ZCCHC14: variants seen among roughly 807,000 people sequenced by gnomAD.
ZCCHC14 encodes the protein zinc finger CCHC-type containing 14.
In ZCCHC14, 16 loss-of-function variants were observed where a neutral mutation model predicts 85.0. That is an observed-to-expected ratio of 0.19 (90% CI 0.13 to 0.29). ZCCHC14 has a LOEUF of 0.29. Among genes scored for constraint, ZCCHC14 ranks in the 10% least tolerant of loss-of-function variants. The pLI, the probability that ZCCHC14 is intolerant of heterozygous loss-of-function variation, is 1.00. For missense variants in ZCCHC14, 1,303 were observed against 1,443.5 expected (o/e 0.90, Z 1.58); for synonymous variants, 775 against 630.7 (o/e 1.23, Z -3.43).
chr16:87,416,676 A>G (rs1373059912), intron 8 of ZCCHC14, among the ~76,000 whole-genome samples: 1 of 152,128 alleles, frequency 6.6e-6, no homozygotes, highest in Non-Finnish European at 1.5e-5. Flanking sequence ...GAATCGCTTG[A>G]ACCCGGGAGG....
Position 87,410,158 on chromosome 16 carries a change from G to C in ZCCHC14, c.*122C>G, listed in dbSNP as rs1456578442. ...ACGCTAGATTTTCTATCCAGTCTAG[G>C]AAAAGTAAAGCACCTTTGGATTAAA... On this transcript the variant is annotated 3_prime_UTR_variant, in exon 13 of 13. Coordinates refer to ENST00000671377, the MANE Select transcript of ZCCHC14 (RefSeq NM_015144.3). The C allele has an allele frequency of 3.6e-6, 2 of 561,456 alleles. No homozygotes were observed. The highest frequency in any genetic ancestry group is 2.6e-5 in the South Asian group (1 of 38,886). 34.8% of individuals were successfully genotyped at this position (561,456 alleles called of 1,614,324 possible).
intron 1 of ZCCHC14, among the ~76,000 whole-genome samples, chr16:87,484,189 C>T (rs990292269): frequency 7.2e-5 from 11 of 152,262 alleles, no homozygotes; most frequent in Admixed American, 2.0e-4. Flanking sequence ...GTTTTTTACA[C>T]GTGAAATAAA....
chr16:87,437,606 G>A (rs1006056798), intron 2 of ZCCHC14, among the ~76,000 whole-genome samples: 1 of 152,194 alleles, frequency 6.6e-6, no homozygotes, highest in Non-Finnish European at 1.5e-5. Context: ...AAAGGGACCC[G>A]AGGCTGGGCC....
At chr16:87,430,551 T>G (rs2150736174) in intron 3 of ZCCHC14, among the ~76,000 whole-genome samples, 1 of 151,650 alleles carries the variant, frequency 6.6e-6, no homozygotes, top group African/African-American at 2.4e-5. Flanking sequence ...AGATGCAGTC[T>G]CGCTCTGTTG....
intron 8 of ZCCHC14, among the ~76,000 whole-genome samples, chr16:87,416,727 G>A (rs567045387): frequency 6.6e-6 from 1 of 152,226 alleles, no homozygotes; most frequent in African/African-American, 2.4e-5. Flanking sequence ...TTGCACTCCA[G>A]CCCAGGTGGC....
At chr16:87,458,063 A>T (rs1354070898) in intron 2 of ZCCHC14, among the ~76,000 whole-genome samples, 1 of 151,496 alleles carries the variant, frequency 6.6e-6, no homozygotes, top group Non-Finnish European at 1.5e-5. Context: ...CATGCAGACG[A>T]GACAATGACA....
At chr16:87,416,117 G>A (rs923158547) in intron 8 of ZCCHC14, among the ~76,000 whole-genome samples, 8 of 151,946 alleles carry the variant, frequency 5.3e-5, no homozygotes, top group South Asian at 2.1e-4. Flanking sequence ...GTAGAGACGG[G>A]GTTTCACCAT....
At chr16:87,421,052 T>A (rs1347190604) in intron 4 of ZCCHC14, among the ~76,000 whole-genome samples, 1 of 152,220 alleles carries the variant, frequency 6.6e-6, no homozygotes, top group East Asian at 1.9e-4. Flanking sequence ...AAGGCCCTGG[T>A]GGCTGCCACA....
intron 2 of ZCCHC14, among the ~76,000 whole-genome samples, chr16:87,448,352 G>A (rs984677708): frequency 1.3e-5 from 2 of 152,092 alleles, no homozygotes; most frequent in South Asian, 2.1e-4. Flanking sequence ...CTTTGAAAAC[G>A]TGTAAGATCA....
At chr16:87,413,232 C>A (rs776276190) in intron 10 of ZCCHC14, 37 bp from the exon 11 acceptor site, 6 of 1,488,694 alleles carry the variant, frequency 4.0e-6, no homozygotes, top group African/African-American at 2.8e-5. Context: ...CATCAACTAG[C>A]GCCCCTGCAG....
intron 1 of ZCCHC14, among the ~76,000 whole-genome samples, chr16:87,460,668 C>A (rs181304310): frequency 6.6e-6 from 1 of 151,842 alleles, no homozygotes; most frequent in East Asian, 1.9e-4. Flanking sequence ...CCAGCCTGGG[C>A]AACAGAGTAA....
intron 4 of ZCCHC14, among the ~76,000 whole-genome samples, chr16:87,422,377 A>T (rs887877253): frequency 2.0e-5 from 3 of 152,146 alleles, no homozygotes; most frequent in Admixed American, 2.0e-4. Flanking sequence ...GCCAGAGTCC[A>T]GGAGAGGGGA....
chr16:87,475,034 C>A (rs1477268525), intron 1 of ZCCHC14, among the ~76,000 whole-genome samples: 1 of 152,134 alleles, frequency 6.6e-6, no homozygotes, highest in East Asian at 1.9e-4. Flanking sequence ...TCACAAAATC[C>A]AAGAAGCAAT....
At chr16:87,414,302 A>G (rs1331368701) in intron 10 of ZCCHC14, 112 bp downstream of exon 10, 1 of 1,495,036 alleles carries the variant, frequency 6.7e-7, no homozygotes, top group East Asian at 2.3e-5. Context: ...GTGTACGAGT[A>G]ACCCATCTGC....
At chr16:87,459,657 C>A (rs1911158083) in intron 2 of ZCCHC14, among the ~76,000 whole-genome samples, 1 of 151,912 alleles carries the variant, frequency 6.6e-6, no homozygotes, top group South Asian at 2.1e-4. Flanking sequence ...TTACAGATGC[C>A]CGCCACCACG....
chr16:87,421,959 A>G (rs1909122494), intron 4 of ZCCHC14, among the ~76,000 whole-genome samples: 1 of 152,200 alleles, frequency 6.6e-6, no homozygotes, highest in South Asian at 2.1e-4. Context: ...GGGGGAAAAA[A>G]CTATTGTCAA....
intron 1 of ZCCHC14, among the ~76,000 whole-genome samples, chr16:87,469,450 A>C (rs1317240266): frequency 6.6e-6 from 1 of 152,168 alleles, no homozygotes; most frequent in Non-Finnish European, 1.5e-5. Context: ...TGCACATTAA[A>C]TCCAAGGAGG....
intron 3 of ZCCHC14, among the ~76,000 whole-genome samples, chr16:87,429,466 T>A (rs373125751): frequency 2.6e-5 from 4 of 151,528 alleles, no homozygotes; most frequent in Admixed American, 1.3e-4. Context: ...CATGTGCCAC[T>A]ACACCTGGCA....
Position 87,418,909 on chromosome 16 carries a change from T to A in ZCCHC14, c.1046-8A>T. On this transcript the variant is annotated splice_polypyrimidine_tract_variant and splice_region_variant and intron_variant, in intron 6 of 12. Coordinates refer to ENST00000671377, the MANE Select transcript of ZCCHC14 (RefSeq NM_015144.3). ...GGGAGGGATTGCCAGGACCTATAAA[T>A]TTAAAAATAAATACCATAAAAATTT... is the stretch of plus-strand genomic sequence containing the variant. 1.2e-6 allele frequency: 2 copies of A among 1,601,482 alleles called. No individual in the cohort carries two copies. Among genetic ancestry groups the A allele is most frequent in the African/African-American group, 2.7e-5 (2 of 74,476 alleles).
Sources: allele counts gnomAD v4.1 joint callset (sites outside exome capture counted in the v4.1 genomes callset), GRCh38; gene constraint gnomAD v4.1.1; transcripts MANE v1.5; gene names NCBI Gene and HGNC (gene_info 2026-07-23, HGNC 2026-07-21).